Variants in ADAMTS15 observed in about 807,000 individuals in gnomAD.
The protein encoded by ADAMTS15 is A disintegrin and metalloproteinase with thrombospondin motifs 15.
Under a neutral mutation model 79.1 loss-of-function variants are expected in ADAMTS15, and 35 were observed. The observed-to-expected ratio is 0.44, with a 90% confidence interval of 0.34 to 0.59. ADAMTS15 has a LOEUF of 0.59. Among genes scored for constraint, ADAMTS15 ranks in the 20% least tolerant of loss-of-function variants. The pLI, the probability that ADAMTS15 is intolerant of heterozygous loss-of-function variation, is 0.02. For synonymous variants in ADAMTS15, 616 were observed against 567.3 expected (o/e 1.09, Z -1.22); for missense variants, 1,324 against 1,318.7 (o/e 1.00, Z -0.06).
chr11:130,451,877 T>C (rs1162108885), intron 1 of ADAMTS15, among the ~76,000 whole-genome samples: 1 of 152,182 alleles, frequency 6.6e-6, no homozygotes, highest in Non-Finnish European at 1.5e-5. Context: ...GTGTTGTCCA[T>C]GCATAATGGG....
At position 130,462,366 on chromosome 11, in the gene ADAMTS15, C is replaced by T; in HGVS notation, c.1258+112C>T. ...TCTGTACATTAGGTGTGTGTGCCCCCTCGGAGCCGGGCTCTGACATGAGTG... is the reference window on the plus strand; with the variant it reads ...TCTGTACATTAGGTGTGTGTGCCCCTTCGGAGCCGGGCTCTGACATGAGTG... On this transcript the variant is annotated intron_variant, in intron 3 of 7. Transcript: ENST00000299164. The surrounding 1 kb of genome is among the most constrained non-coding windows in gnomAD (Gnocchi z 4.3). The T allele has an allele frequency of 3.4e-6, 5 of 1,485,542 alleles. No individual in the cohort carries two copies. The highest frequency in any genetic ancestry group is 3.6e-6 in the Non-Finnish European group (4 of 1,109,286). 92.0% of individuals were successfully genotyped at this position (1,485,542 alleles called of 1,614,324 possible). A position where few individuals can be genotyped will look rare whatever the true frequency, so the allele number is the denominator to read the frequency against.
intron 1 of ADAMTS15, among the ~76,000 whole-genome samples, chr11:130,457,031 G>A (rs1249754541): frequency 3.9e-5 from 6 of 152,046 alleles, no homozygotes; most frequent in Admixed American, 1.3e-4. Flanking sequence ...CCAGGAGTTC[G>A]AGAGCAGCCT....
At chr11:130,453,461 A>G (rs1938009469) in intron 1 of ADAMTS15, among the ~76,000 whole-genome samples, 1 of 148,478 alleles carries the variant, frequency 6.7e-6, no homozygotes, top group African/African-American at 2.5e-5. Context: ...TTATTTCTTT[A>G]TTTTTTAGAG....
At chr11:130,461,687 C>G in intron 2 of ADAMTS15, 66 bp downstream of exon 2, 4 of 1,597,774 alleles carry the variant, frequency 2.5e-6, no homozygotes, top group Non-Finnish European at 3.4e-6. Flanking sequence ...GGGTGGGAGA[C>G]GTGTGTCTTT....
intron 1 of ADAMTS15, among the ~76,000 whole-genome samples, chr11:130,457,609 TA>T (rs1161505890): frequency 1.3e-5 from 2 of 152,058 alleles, no homozygotes; most frequent in Non-Finnish European, 2.9e-5. Flanking sequence ...GTGAGGCAGG[TA>T]GGGGCTGGGT....
At chr11:130,471,701 A>G (rs1938465128) in intron 7 of ADAMTS15, among the ~76,000 whole-genome samples, 1 of 152,200 alleles carries the variant, frequency 6.6e-6, no homozygotes, top group Non-Finnish European at 1.5e-5. Flanking sequence ...GACCTGATTC[A>G]GATCGCAGTT....
intron 7 of ADAMTS15, among the ~76,000 whole-genome samples, chr11:130,471,608 G>T (rs957538251): frequency 3.3e-5 from 5 of 152,024 alleles, no homozygotes; most frequent in Non-Finnish European, 7.4e-5. Flanking sequence ...ACGAATGCTG[G>T]GGGAAGACCC....
intron 1 of ADAMTS15, among the ~76,000 whole-genome samples, chr11:130,454,451 A>T (rs78899466): frequency 1.3e-5 from 2 of 152,248 alleles, no homozygotes; most frequent in Admixed American, 1.3e-4. Context: ...CACTTGTCAT[A>T]GGGCAGTGAT....
chr11:130,460,466 G>C (rs938112047), intron 1 of ADAMTS15, among the ~76,000 whole-genome samples: 8 of 152,056 alleles, frequency 5.3e-5, no homozygotes, highest in African/African-American at 1.9e-4. Context: ...TAGTAGAGAT[G>C]GGGTTTCGCC....
chr11:130,468,485 G>T (rs1017351364), intron 4 of ADAMTS15, among the ~76,000 whole-genome samples: 3 of 151,896 alleles, frequency 2.0e-5, no homozygotes, highest in Non-Finnish European at 2.9e-5. Flanking sequence ...ACAAAATAAG[G>T]CCGGGCGCGG....
intron 1 of ADAMTS15, among the ~76,000 whole-genome samples, chr11:130,454,784 G>T (rs1042924300): frequency 2.0e-5 from 3 of 152,172 alleles, no homozygotes; most frequent in Non-Finnish European, 4.4e-5. Flanking sequence ...GAGTTCACCT[G>T]ATATTAATGT....
intron 1 of ADAMTS15, among the ~76,000 whole-genome samples, chr11:130,452,949 G>C (rs7928184): frequency 0.53 from 80,102 of 150,626 alleles, 22,401 homozygotes; most frequent in African/African-American, 0.71. Context: ...CCACTGCACT[G>C]CAGCCTGGTG....
Position 130,462,621 on chromosome 11 carries a change from C to G in ADAMTS15, c.1383C>G (p.Tyr461Ter). The G allele has an allele frequency of 6.2e-7, 1 of 1,614,006 alleles. No individual in the cohort carries two copies. The highest frequency in any genetic ancestry group is 8.5e-7 in the Non-Finnish European group (1 of 1,179,920). Residue 461 changes from tyrosine to a stop codon, truncating the protein, a stop_gained, in exon 4 of 8, where the codon TAC becomes TAG. Transcript: ENST00000299164. LOFTEE classifies it high-confidence loss of function. This position sits in a 1 kb window ranked among gnomAD's most constrained non-coding sequence, Gnocchi z 4.3. ...AFGVGSKPCP[Y>*]MQYCTKLWCT... ...GCGTGGGCTCCAAGCCCTGTCCTTACATGCAGTACTGCACCAAGCTGTGGT... is the reference window on the plus strand; with the variant it reads ...GCGTGGGCTCCAAGCCCTGTCCTTAGATGCAGTACTGCACCAAGCTGTGGT...
At chr11:130,470,319 C>T (rs1938425486) in intron 5 of ADAMTS15, among the ~76,000 whole-genome samples, 1 of 150,474 alleles carries the variant, frequency 6.6e-6, no homozygotes. Context: ...CAGGTTCAAG[C>T]GATTCTCCCA....
intron 1 of ADAMTS15, among the ~76,000 whole-genome samples, chr11:130,458,682 C>T (rs117532150): frequency 0.023 from 3,512 of 152,304 alleles, 61 homozygotes; most frequent in South Asian, 0.062. Flanking sequence ...AGTCACACAT[C>T]TACTTAGTGA....
chr11:130,470,159 T>TATAC, intron 5 of ADAMTS15, among the ~76,000 whole-genome samples: 1 of 50,174 alleles, frequency 2.0e-5, no homozygotes, highest in Admixed American at 1.8e-4. Flanking sequence ...TATGTGTATA[T>TATAC]ATATATATAT....
At chr11:130,470,124 A>ATATACATATATATATATATATATATGTG (rs1565397447) in intron 5 of ADAMTS15, among the ~76,000 whole-genome samples, 1 of 94,416 alleles carries the variant, frequency 1.1e-5, no homozygotes, top group Non-Finnish European at 2.0e-5. Context: ...TGAATCATAT[A>ATATACATATATATATATATATATATGTG]TATATATACA....
rs945516957 is a variant in ADAMTS15, at chr11:130,448,833, C to T, written c.-141C>T. The T allele has an allele frequency of 1.7e-6, 1 of 593,870 alleles. No individual in the cohort carries two copies. Among genetic ancestry groups the T allele is most frequent in the Non-Finnish European group, 2.5e-6 (1 of 394,374 alleles). 36.8% of individuals were successfully genotyped at this position (593,870 alleles called of 1,614,324 possible). A position where few individuals can be genotyped will look rare whatever the true frequency, so the allele number is the denominator to read the frequency against. On this transcript the variant is annotated 5_prime_UTR_variant, in exon 1 of 8. Transcript: ENST00000299164. Reference sequence around the variant, plus strand: ...CGCCGCCCTGGGAGGAGTCTCCCTCCCTTGGCTCTCCTTTCTGGGAACTGC... The same window carrying T: ...CGCCGCCCTGGGAGGAGTCTCCCTCTCTTGGCTCTCCTTTCTGGGAACTGC...
At chr11:130,450,235 C>T (rs917827504) in intron 1 of ADAMTS15, 1 of 985,442 alleles carries the variant, frequency 1.0e-6, no homozygotes. Flanking sequence ...GTTGCCGCCC[C>T]GGAGCTGCAG....
Sources: gnomAD v4.1 joint callset for allele counts (sites outside exome capture counted in the v4.1 genomes callset) on GRCh38, gnomAD v4.1.1 for gene constraint, Gnocchi (gnomAD v3.1) non-coding constraint, MANE v1.5 for transcripts, NCBI Gene and HGNC (gene_info 2026-07-23, HGNC 2026-07-21) for gene names.